Variants in B3GALT1 observed in about 807,000 individuals in gnomAD.
The protein encoded by B3GALT1 is UDP-Gal:betaGlcNAc beta 1,3-galactosyltransferase, polypeptide 1.
Under a neutral mutation model 23.2 loss-of-function variants are expected in B3GALT1, and 10 were observed. That is an observed-to-expected ratio of 0.43 (90% CI 0.27 to 0.73). The LOEUF (loss-of-function observed/expected upper bound fraction) is 0.73, where lower values mean the gene tolerates loss of function less well. Ranked by LOEUF, B3GALT1 falls within the 30% of genes least tolerant of loss-of-function variation. The pLI, the probability that B3GALT1 is intolerant of heterozygous loss-of-function variation, is 0.21. For synonymous variants in B3GALT1, 156 were observed against 141.5 expected (o/e 1.10, Z -0.73); for missense variants, 299 against 405.4 (o/e 0.74, Z 2.25).
intron 3 of B3GALT1, among the ~76,000 whole-genome samples, chr2:167,743,812 T>C (rs548733270): frequency 6.6e-6 from 1 of 152,258 alleles, no homozygotes; most frequent in East Asian, 1.9e-4. Flanking sequence ...CTGTTTCTTA[T>C]TCCAGTGGTT....
At chr2:167,795,457 C>T (rs575194083) in intron 3 of B3GALT1, among the ~76,000 whole-genome samples, 74 of 152,264 alleles carry the variant, frequency 4.9e-4, no homozygotes, top group African/African-American at 1.7e-3. Flanking sequence ...CAGAATTGCC[C>T]TTGTATTTGC....
At chr2:167,441,511 C>G (rs984362093) in intron 1 of B3GALT1, among the ~76,000 whole-genome samples, 3 of 152,122 alleles carry the variant, frequency 2.0e-5, no homozygotes, top group African/African-American at 7.2e-5. Context: ...TGAGTTCTTA[C>G]ATTTTATATG....
intron 1 of B3GALT1, among the ~76,000 whole-genome samples, chr2:167,445,668 G>T (rs944821301): frequency 2.0e-5 from 3 of 152,124 alleles, no homozygotes; most frequent in Admixed American, 1.3e-4. Context: ...TGTTTTATCA[G>T]ACACTAGGAT....
intron 3 of B3GALT1, among the ~76,000 whole-genome samples, chr2:167,677,904 A>G (rs961865876): frequency 2.0e-5 from 3 of 152,172 alleles, no homozygotes; most frequent in Non-Finnish European, 2.9e-5. Flanking sequence ...AAGGTGAGAA[A>G]AGCCCCTTAT....
intron 3 of B3GALT1, among the ~76,000 whole-genome samples, chr2:167,745,408 C>A (rs1175028191): frequency 6.6e-6 from 1 of 152,034 alleles, no homozygotes; most frequent in Non-Finnish European, 1.5e-5. Flanking sequence ...TGCTTCTTGC[C>A]TTTCATACTA....
At chr2:167,810,655 G>C (rs1402144850) in intron 3 of B3GALT1, among the ~76,000 whole-genome samples, 1 of 150,854 alleles carries the variant, frequency 6.6e-6, no homozygotes, top group Non-Finnish European at 1.5e-5. Flanking sequence ...TACTACCTAA[G>C]TTTAACATCC....
intron 4 of B3GALT1, among the ~76,000 whole-genome samples, chr2:167,858,663 C>G (rs964589778): frequency 6.6e-6 from 1 of 152,110 alleles, no homozygotes; most frequent in Non-Finnish European, 1.5e-5. Context: ...AAGTCTAGAA[C>G]TTGAATCTGG....
intron 2 of B3GALT1, among the ~76,000 whole-genome samples, chr2:167,645,050 G>T (rs998121068): frequency 2.0e-5 from 3 of 152,096 alleles, no homozygotes; most frequent in African/African-American, 7.2e-5. Context: ...ACCATAGAGA[G>T]TACTAGGTCA....
intron 4 of B3GALT1, among the ~76,000 whole-genome samples, chr2:167,828,406 G>T (rs908277210): frequency 2.6e-5 from 4 of 152,200 alleles, no homozygotes; most frequent in African/African-American, 7.2e-5. Context: ...AAAGTGTTCT[G>T]TGGGAATGTG....
At chr2:167,599,768 T>C (rs1684840302) in intron 2 of B3GALT1, among the ~76,000 whole-genome samples, 1 of 152,218 alleles carries the variant, frequency 6.6e-6, no homozygotes, top group South Asian at 2.1e-4. Flanking sequence ...CCAGAATTGT[T>C]ATTGCTTCAG....
chr2:167,631,156 G>A (rs1243337847), intron 2 of B3GALT1, among the ~76,000 whole-genome samples: 1 of 151,466 alleles, frequency 6.6e-6, no homozygotes, highest in Non-Finnish European at 1.5e-5. Context: ...ATTATTATTA[G>A]CTATTTAGCC....
chr2:167,376,018 G>A (rs955440504), intron 1 of B3GALT1, among the ~76,000 whole-genome samples: 4 of 151,936 alleles, frequency 2.6e-5, no homozygotes, highest in Non-Finnish European at 5.9e-5. Flanking sequence ...GTTCTTTGAG[G>A]GATTTTATCT....
chr2:167,654,738 C>G (rs1000544506), intron 3 of B3GALT1, among the ~76,000 whole-genome samples: 13 of 151,902 alleles, frequency 8.6e-5, no homozygotes, highest in Non-Finnish European at 1.8e-4. Context: ...TCAAGAACTC[C>G]TCCTACCTCA....
At chr2:167,374,791 TTGTC>T (rs370235329) in intron 1 of B3GALT1, among the ~76,000 whole-genome samples, 24 of 152,004 alleles carry the variant, frequency 1.6e-4, no homozygotes, top group African/African-American at 5.3e-4. Flanking sequence ...ATTCTGTAGG[TTGTC>T]TGTTTACTCT....
chr2:167,488,997 C>T (rs539782056), intron 1 of B3GALT1, among the ~76,000 whole-genome samples: 1 of 152,030 alleles, frequency 6.6e-6, no homozygotes, highest in East Asian at 1.9e-4. Flanking sequence ...TACTTTGTGT[C>T]TCCTTGGAGG....
intron 1 of B3GALT1, among the ~76,000 whole-genome samples, chr2:167,456,436 C>T (rs1361186237): frequency 6.6e-6 from 1 of 152,134 alleles, no homozygotes; most frequent in East Asian, 1.9e-4. Context: ...ACATCCAAAC[C>T]ACAACAGACC....
chr2:167,822,164 C>A (rs1362005335), intron 4 of B3GALT1, among the ~76,000 whole-genome samples: 2 of 152,170 alleles, frequency 1.3e-5, no homozygotes, highest in African/African-American at 2.4e-5. Flanking sequence ...GTCTCCTGTA[C>A]CATCCCTATA....
intron 3 of B3GALT1, among the ~76,000 whole-genome samples, chr2:167,808,839 A>G (rs144007891): frequency 0.017 from 2,547 of 152,214 alleles, 66 homozygotes; most frequent in African/African-American, 0.054. Flanking sequence ...CTGTCTTGCT[A>G]GATTGGGGAA....
At chr2:167,489,773 G>A (rs1468139706) in intron 1 of B3GALT1, among the ~76,000 whole-genome samples, 1 of 152,164 alleles carries the variant, frequency 6.6e-6, no homozygotes, top group Non-Finnish European at 1.5e-5. Context: ...TATTAAGGAA[G>A]CCACAGACAA....
Sources: allele counts gnomAD v4.1 joint callset (sites outside exome capture counted in the v4.1 genomes callset), GRCh38; gene constraint gnomAD v4.1.1; transcripts MANE v1.5; gene names NCBI Gene and HGNC (gene_info 2026-07-23, HGNC 2026-07-21).